Variants in FAIM observed in about 807,000 individuals in gnomAD.
FAIM encodes the protein fas apoptotic inhibitory molecule 1.
A neutral mutation model predicts 21.2 loss-of-function variants in FAIM; 14 were observed. The ratio of observed to expected loss-of-function variants is 0.66; its 90% CI spans 0.44 to 1.03. The LOEUF (loss-of-function observed/expected upper bound fraction) is 1.03, where lower values mean the gene tolerates loss of function less well. FAIM is among the 50% of genes least tolerant of loss of function. The probability of loss-of-function intolerance (pLI) is 0.00; values close to 1 mark genes in which losing one functional copy is unlikely to be tolerated. For missense variants in FAIM, 222 were observed against 247.1 expected, an observed-to-expected ratio of 0.90 and a Z score of 0.68; for synonymous variants, 86 against 80.4, an observed-to-expected ratio of 1.07 and a Z score of -0.37.
chr3:138,624,022 A>G (rs2042915017), intron 4 of FAIM, among the ~76,000 whole-genome samples: 1 of 152,124 alleles, frequency 6.6e-6, no homozygotes, highest in African/African-American at 2.4e-5. Flanking sequence ...TTTTGTGCCA[A>G]TCTGAATCTC....
Position 138,633,187 on chromosome 3 carries a change from T to C in FAIM, c.*108T>C. ...CATTTAGTCTGCAATGTTTTAATTT[T>C]TTAAAAAGTTACATGAAACTAACAT... On this transcript the variant is annotated 3_prime_UTR_variant, in exon 6 of 6. Coordinates refer to ENST00000360570, the MANE Select transcript of FAIM (RefSeq NM_001033031.2). 1.0e-6 allele frequency: 1 copy of C among 989,120 alleles called. No homozygotes were observed. Among genetic ancestry groups the C allele is most frequent in the Non-Finnish European group, 1.4e-6 (1 of 731,560 alleles). 61.3% of individuals were successfully genotyped at this position (989,120 alleles called of 1,614,324 possible).
chr3:138,628,658 T>C lies in FAIM; in HGVS notation c.407-449T>C, dbSNP rs151119987. Among the ~76,000 whole-genome samples the C allele has an allele frequency of 3.4e-3, 524 of 152,102 alleles. 4 individuals are homozygous for C. The highest frequency in any genetic ancestry group is 0.012 in the African/African-American group (502 of 41,490). ...CACCACCATGCCCGGCTAATTATTG[T>C]ATTTTTAGTAGAGATGGGGTTTCAC... On this transcript the variant is annotated intron_variant, in intron 4 of 5. Coordinates refer to ENST00000360570, the MANE Select transcript of FAIM (RefSeq NM_001033031.2).
At chr3:138,628,213 A>G (rs1435945781) in intron 4 of FAIM, among the ~76,000 whole-genome samples, 1 of 152,096 alleles carries the variant, frequency 6.6e-6, no homozygotes, top group African/African-American at 2.4e-5. Context: ...TAATCCAATA[A>G]TTTTTCTCTA....
At chr3:138,610,016 C>T (rs115210502) in intron 1 of FAIM, among the ~76,000 whole-genome samples, 1 of 152,086 alleles carries the variant, frequency 6.6e-6, no homozygotes, top group Non-Finnish European at 1.5e-5. Context: ...CTGGAGACCC[C>T]CCTCACTTCA....
intron 1 of FAIM, among the ~76,000 whole-genome samples, chr3:138,616,322 C>G (rs187902716): frequency 7.0e-4 from 107 of 152,278 alleles, no homozygotes; most frequent in Non-Finnish European, 1.1e-3. Flanking sequence ...AGTATTTCAG[C>G]CTTTTATAAG....
chr3:138,617,431 T>C (rs910459250), intron 1 of FAIM, among the ~76,000 whole-genome samples: 1 of 147,180 alleles, frequency 6.8e-6, no homozygotes, highest in Non-Finnish European at 1.5e-5. Context: ...ATAAATATAA[T>C]ATGTATATAA....
chr3:138,621,702 G>A (rs1368483677), intron 3 of FAIM, among the ~76,000 whole-genome samples, 163 bp downstream of exon 3: 1 of 152,176 alleles, frequency 6.6e-6, no homozygotes, highest in Non-Finnish European at 1.5e-5. Context: ...TAGAATTCAT[G>A]GAATATAGCG....
chr3:138,619,731 C>G lies in FAIM; in HGVS notation c.5C>G (p.Ala2Gly). 2 of 1,613,428 alleles carry G rather than the reference C, an allele frequency of 1.2e-6. No homozygotes were observed. Among genetic ancestry groups the G allele is most frequent in the Middle Eastern group, 1.7e-4 (1 of 6,054 alleles). The change falls in exon 2 of 6, where the codon GCA becomes GGA. Residue 2 changes from alanine to glycine, a missense_variant. Physicochemically the swap from Ala to Gly is moderately conservative, Grantham distance 60 (BLOSUM62 0). Transcript: ENST00000360570. ...TAAAGACTGTTTTTGCCAACCATGG[C>G]ATCTGGAGATGACAGTCCTATCTTT... is the stretch of plus-strand genomic sequence containing the variant. M[A>G]SGDDSPIFED... is the part of the protein sequence containing the mutation.
At chr3:138,609,306 C>A (rs2042725253) in intron 1 of FAIM, among the ~76,000 whole-genome samples, 1 of 151,714 alleles carries the variant, frequency 6.6e-6, no homozygotes, top group Non-Finnish European at 1.5e-5. Flanking sequence ...CGAGGCCCTG[C>A]CCCGCGACCT....
chr3:138,632,030 C>A (rs1323320303), intron 5 of FAIM, among the ~76,000 whole-genome samples: 1 of 151,938 alleles, frequency 6.6e-6, no homozygotes, highest in African/African-American at 2.4e-5. Flanking sequence ...GGTTTCTTTG[C>A]TTTCTGGCAT....
intron 1 of FAIM, among the ~76,000 whole-genome samples, chr3:138,616,876 T>C (rs950430548): frequency 1.3e-5 from 2 of 152,320 alleles, no homozygotes; most frequent in Non-Finnish European, 2.9e-5. Context: ...AATTTTGATA[T>C]ATAGTTATAT....
chr3:138,623,504 C>T (rs2042909428), intron 4 of FAIM, among the ~76,000 whole-genome samples: 1 of 151,578 alleles, frequency 6.6e-6, no homozygotes, highest in South Asian at 2.1e-4. Context: ...TAGCTGGGAC[C>T]ACAGGTCCAT....
Position 138,629,106 on chromosome 3 carries a change from GA to G in FAIM, c.411del (p.Asp138MetfsTer19). 1.2e-6 allele frequency: 2 copies of G among 1,602,286 alleles called. No individual in the cohort carries two copies. Among genetic ancestry groups the G allele is most frequent in the Non-Finnish European group, 1.7e-6 (2 of 1,175,276 alleles). ...TTAAAGTTTTTATGTTACCTTTACA[GA>G]AAAAGATGCTATGGACGTATGGTGC... ...MDGENFRIVL[E>X]KDAMDVWCNG... On this transcript the variant is annotated frameshift_variant and splice_region_variant, in exon 5 of 6. Transcript: ENST00000360570. LOFTEE classifies it high-confidence loss of function.
chr3:138,630,684 C>G (rs1407979440), intron 5 of FAIM: 2 of 152,158 alleles, frequency 1.3e-5, no homozygotes, highest in Non-Finnish European at 2.9e-5. Context: ...GATCAGATAC[C>G]TACTGTGTGC....
Position 138,633,164 on chromosome 3 carries a change from T to TAC in FAIM, c.*85_*86insAC. ...TGTTCAGTATGTACTTATCAGTACA[T>TAC]TTAGTCTGCAATGTTTTAATTTTTT... On this transcript the variant is annotated 3_prime_UTR_variant, in exon 6 of 6. Coordinates refer to ENST00000360570, the MANE Select transcript of FAIM (RefSeq NM_001033031.2). 1.5e-5 allele frequency: 17 copies of TAC among 1,172,068 alleles called. No individual in the cohort carries two copies. The highest frequency in any genetic ancestry group is 2.4e-5 in the South Asian group (1 of 42,358). The allele number at this position is 1,172,068 out of a possible 1,614,324, so 72.6% of individuals were successfully genotyped here.
At chr3:138,625,390 G>C (rs1037430679) in intron 4 of FAIM, among the ~76,000 whole-genome samples, 2 of 152,058 alleles carry the variant, frequency 1.3e-5, no homozygotes, top group Non-Finnish European at 2.9e-5. Context: ...TTGAGCCTGG[G>C]AGGCGGAGGT....
At chr3:138,628,458 CCTT>C (rs1203128390) in intron 4 of FAIM, among the ~76,000 whole-genome samples, 4 of 149,978 alleles carry the variant, frequency 2.7e-5, no homozygotes, top group South Asian at 2.1e-4. Flanking sequence ...CTGTATGCAT[CCTT>C]CTTTTTTATT....
chr3:138,625,072 G>T (rs376476683), intron 4 of FAIM, among the ~76,000 whole-genome samples: 1 of 151,900 alleles, frequency 6.6e-6, no homozygotes, highest in East Asian at 1.9e-4. Context: ...AGGCTGAGGC[G>T]AGAGGATCAC....
chr3:138,622,389 G>A lies in FAIM; in HGVS notation c.379G>A (p.Asp127Asn). Reference sequence around the variant, plus strand: ...CACCAATACTTGGGTATTACACATGGATGGTGAGAACTTTAGAATTGTTTT... The same window carrying A: ...CACCAATACTTGGGTATTACACATGAATGGTGAGAACTTTAGAATTGTTTT... Reference protein sequence around the residue: ...KTTNTWVLHMDGENFRIVLEK... With the variant: ...KTTNTWVLHMNGENFRIVLEK... Residue 127 changes from aspartate to asparagine, a missense_variant, in exon 4 of 6, where the codon GAT becomes AAT. By Grantham distance (23) the Asp-to-Asn change is conservative. Transcript: ENST00000360570. The A allele has an allele frequency of 6.2e-7, 1 of 1,606,486 alleles. No homozygotes were observed. The highest frequency in any genetic ancestry group is 8.5e-7 in the Non-Finnish European group (1 of 1,177,896).
Sources: gnomAD v4.1 joint callset for allele counts (sites outside exome capture counted in the v4.1 genomes callset) on GRCh38, gnomAD v4.1.1 for gene constraint, MANE v1.5 for transcripts, NCBI Gene and HGNC (gene_info 2026-07-23, HGNC 2026-07-21) for gene names.